CNTLN: variants seen among roughly 807,000 people sequenced by gnomAD.
The protein encoded by CNTLN is centlein.
In CNTLN, 212 loss-of-function variants were observed where a neutral mutation model predicts 180.0. The observed-to-expected ratio is 1.18, with a 90% CI of 1.05 to 1.32. The LOEUF (loss-of-function observed/expected upper bound fraction) is 1.32. Among genes scored for constraint, CNTLN ranks in the 40% most tolerant of loss-of-function variants. CNTLN has a pLI of 0.00. For synonymous variants in CNTLN, 722 were observed against 563.1 expected, an observed-to-expected ratio of 1.28 and a Z score of -3.99; for missense variants, 2,095 against 1,610.9, an observed-to-expected ratio of 1.30 and a Z score of -5.14.
At chr9:17,359,515 T>C (rs1273009014) in intron 12 of CNTLN, among the ~76,000 whole-genome samples, 2 of 151,550 alleles carry the variant, frequency 1.3e-5, no homozygotes, top group Admixed American at 6.6e-5. Flanking sequence ...GAAGAATTCC[T>C]GTGACTAAAT....
intron 19 of CNTLN, among the ~76,000 whole-genome samples, chr9:17,460,589 T>C (rs1364067708): frequency 6.6e-6 from 1 of 151,732 alleles, no homozygotes; most frequent in African/African-American, 2.4e-5. Flanking sequence ...CTGATAAAAA[T>C]TTTTGAGGAT....
At chr9:17,262,159 C>G (rs917628789) in intron 5 of CNTLN, among the ~76,000 whole-genome samples, 2 of 151,536 alleles carry the variant, frequency 1.3e-5, no homozygotes, top group African/African-American at 4.9e-5. Context: ...TTGTGGAAGA[C>G]AGTGTGGCGA....
chr9:17,157,500 A>T (rs1028741406), intron 2 of CNTLN, among the ~76,000 whole-genome samples: 17 of 152,186 alleles, frequency 1.1e-4, no homozygotes, highest in African/African-American at 4.1e-4. Flanking sequence ...AATTTTAATT[A>T]TCAATTTGAC....
rs1271196090 is a variant in CNTLN, at chr9:17,288,180, T to A, written c.984-10010T>A. 5.2e-3 allele frequency among the ~76,000 whole-genome samples: 647 copies of A among 124,056 alleles called. 89 individuals are homozygous for A. Among genetic ancestry groups the A allele is most frequent in the African/African-American group, 0.022 (600 of 26,806 alleles). 81.4% of individuals were successfully genotyped at this position (124,056 alleles called of 152,430 possible). A position where few individuals can be genotyped will look rare whatever the true frequency, so the allele number is the denominator to read the frequency against. On this transcript the variant is annotated intron_variant, in intron 6 of 25. Transcript: ENST00000380647. ...ATTTCCCTCTACACACTGCTTTGAA[T>A]GCATCCCAGAGATTCTGGTATGTTG... is the stretch of plus-strand genomic sequence containing the variant.
the CNTLN span, among the ~76,000 whole-genome samples, chr9:17,513,118 T>C: frequency 6.6e-6 from 1 of 152,118 alleles, no homozygotes; most frequent in Admixed American, 6.5e-5. Flanking sequence ...CGGCCTAGTC[T>C]ATCATTTTAT....
chr9:17,504,185 A>C (rs1833887628), downstream of CNTLN, among the ~76,000 whole-genome samples: 1 of 152,196 alleles, frequency 6.6e-6, no homozygotes, highest in Non-Finnish European at 1.5e-5. Flanking sequence ...CACTTAAGGC[A>C]CAATGAAGTG....
chr9:17,144,978 AC>A (rs1310912629), intron 2 of CNTLN, among the ~76,000 whole-genome samples: 1 of 150,968 alleles, frequency 6.6e-6, no homozygotes, highest in Non-Finnish European at 1.5e-5. Context: ...AGTAGCTGGG[AC>A]TACAGGCGCC....
At chr9:17,423,531 A>G (rs1828874379) in intron 18 of CNTLN, among the ~76,000 whole-genome samples, 1 of 151,174 alleles carries the variant, frequency 6.6e-6, no homozygotes, top group Non-Finnish European at 1.5e-5. Flanking sequence ...TGATGTAAAC[A>G]CTCTCTTTAC....
intron 23 of CNTLN, among the ~76,000 whole-genome samples, chr9:17,474,781 T>C (rs1362223398): frequency 1.3e-5 from 2 of 151,720 alleles, no homozygotes; most frequent in African/African-American, 4.8e-5. Flanking sequence ...GGCAGGAGAA[T>C]TGCTTGAACC....
At chr9:17,344,575 A>G (rs1299430511) in intron 12 of CNTLN, among the ~76,000 whole-genome samples, 1 of 152,172 alleles carries the variant, frequency 6.6e-6, no homozygotes, top group Non-Finnish European at 1.5e-5. Flanking sequence ...TTCTACTCTC[A>G]GGGAACTTAC....
At chr9:17,376,570 G>T (rs1824787051) in intron 13 of CNTLN, among the ~76,000 whole-genome samples, 1 of 151,844 alleles carries the variant, frequency 6.6e-6, no homozygotes, top group African/African-American at 2.4e-5. Flanking sequence ...TCCTGCCTCA[G>T]CCTCCCAAGT....
chr9:17,453,693 T>C (rs1263263300), intron 18 of CNTLN, among the ~76,000 whole-genome samples: 1 of 152,178 alleles, frequency 6.6e-6, no homozygotes, highest in Non-Finnish European at 1.5e-5. Flanking sequence ...CAGGCTGCCT[T>C]TTTTGAAAAA....
intron 25 of CNTLN, among the ~76,000 whole-genome samples, chr9:17,499,916 T>C (rs1043726479): frequency 2.6e-5 from 4 of 152,122 alleles, no homozygotes; most frequent in African/African-American, 9.7e-5. Flanking sequence ...ATATTGTCAA[T>C]TGGTTCATAG....
intron 13 of CNTLN, among the ~76,000 whole-genome samples, chr9:17,378,456 G>T (rs1198263424): frequency 6.6e-6 from 1 of 152,154 alleles, no homozygotes; most frequent in Admixed American, 6.5e-5. Context: ...TGGGATTACA[G>T]GTGGGAGCCA....
intron 18 of CNTLN, among the ~76,000 whole-genome samples, chr9:17,426,095 A>G (rs1587962562): frequency 6.6e-6 from 1 of 152,228 alleles, no homozygotes; most frequent in Non-Finnish European, 1.5e-5. Flanking sequence ...AGGAACAGAG[A>G]TTGGATTATG....
intron 2 of CNTLN, among the ~76,000 whole-genome samples, chr9:17,150,666 G>GT (rs1237552700): frequency 1.3e-5 from 2 of 152,166 alleles, no homozygotes; most frequent in African/African-American, 4.8e-5. Context: ...CTTTAAAGTA[G>GT]TTTTTTCCAA....
intron 2 of CNTLN, among the ~76,000 whole-genome samples, chr9:17,169,246 C>T (rs72700161): frequency 3.2e-4 from 49 of 152,178 alleles, no homozygotes; most frequent in South Asian, 1.2e-3. Flanking sequence ...CATCCTCTTG[C>T]CTCAGCCTTA....
At chr9:17,267,127 C>G (rs1298855738) in intron 5 of CNTLN, among the ~76,000 whole-genome samples, 2 of 152,086 alleles carry the variant, frequency 1.3e-5, no homozygotes, top group Non-Finnish European at 2.9e-5. Flanking sequence ...CAGTTTCTTC[C>G]TATCCTTGAT....
At chr9:17,520,914 A>G in the CNTLN span, among the ~76,000 whole-genome samples, 1 of 152,212 alleles carries the variant, frequency 6.6e-6, no homozygotes, top group Non-Finnish European at 1.5e-5. Flanking sequence ...TTTTGTCTTC[A>G]TCAAGAAAAT....
Sources: gnomAD v4.1 joint callset for allele counts (sites outside exome capture counted in the v4.1 genomes callset) on GRCh38, gnomAD v4.1.1 for gene constraint, MANE v1.5 for transcripts, NCBI Gene and HGNC (gene_info 2026-07-23, HGNC 2026-07-21) for gene names.